DENND6B: variants seen among roughly 807,000 people sequenced by gnomAD.
The protein encoded by DENND6B is DENN domain containing 6B.
In DENND6B, 73 loss-of-function variants were observed where a neutral mutation model predicts 85.1. The observed-to-expected ratio is 0.86, with a 90% CI of 0.71 to 1.04. DENND6B has a LOEUF of 1.04. Among genes scored for constraint, DENND6B ranks in the 50% least tolerant of loss-of-function variants. DENND6B has a pLI of 0.00. For synonymous variants in DENND6B, 357 were observed against 329.3 expected (o/e 1.08, Z -0.91); for missense variants, 715 against 785.8 (o/e 0.91, Z 1.08).
In DENND6B at chr22:50,311,509, G is replaced by A. The variant is rs1192702912; in HGVS notation, c.*630C>T. On this transcript the variant is annotated 3_prime_UTR_variant, in exon 20 of 20. Coordinates refer to ENST00000413817, the MANE Select transcript of DENND6B (RefSeq NM_001001794.4). ...TGTGGCTCTCCGAGAGCCAGGCTGAGCCAGCTCTCCTAGCAGAGGTGCTGG... is the reference window on the plus strand; with the variant it reads ...TGTGGCTCTCCGAGAGCCAGGCTGAACCAGCTCTCCTAGCAGAGGTGCTGG... 1 of 152,438 alleles carries A rather than the reference G, an allele frequency of 6.6e-6. No individual in the cohort carries two copies. The highest frequency in any genetic ancestry group is 1.9e-4 in the East Asian group (1 of 5,192). The allele number at this position is 152,438 out of a possible 1,614,324, so 9.4% of individuals were successfully genotyped here.
intron 6 of DENND6B, 44 bp downstream of exon 6, chr22:50,316,326 C>T (rs2041814299): frequency 6.4e-7 from 1 of 1,562,358 alleles, no homozygotes; most frequent in Admixed American, 1.9e-5. Flanking sequence ...GGGGCCACAG[C>T]TGGGATGATG....
At chr22:50,324,390 G>A (rs1223680358) in intron 1 of DENND6B, among the ~76,000 whole-genome samples, 1 of 152,222 alleles carries the variant, frequency 6.6e-6, no homozygotes, top group East Asian at 1.9e-4. Context: ...CACCAGTATT[G>A]TGGGGCTGGG....
chr22:50,315,234 C>T (rs1285691789), intron 9 of DENND6B, among the ~76,000 whole-genome samples: 1 of 152,170 alleles, frequency 6.6e-6, no homozygotes, highest in Admixed American at 6.5e-5. Flanking sequence ...GGGGTACCCG[C>T]CCAGACCCCT....
At chr22:50,326,068 CTGG>C (rs558219804) in intron 1 of DENND6B, among the ~76,000 whole-genome samples, 4 of 152,258 alleles carry the variant, frequency 2.6e-5, no homozygotes, top group Non-Finnish European at 5.9e-5. Flanking sequence ...GGTCAGCTCC[CTGG>C]TGTGTGTTAC....
In DENND6B at chr22:50,314,882, C is replaced by T. The variant is rs1164174195; in HGVS notation, c.798G>A (p.Trp266Ter). Residue 266 changes from tryptophan (W) to a stop codon, truncating the protein, a stop_gained, in exon 10 of 20, where the codon TGG (tryptophan) becomes TGA (stop). Coordinates refer to ENST00000413817, the MANE Select transcript of DENND6B (RefSeq NM_001001794.4). LOFTEE classifies it high-confidence loss of function. ...RPVLTHMQTL[W>*]ELMLLGEPLL... ...GGGGCTCCCCGAGGAGCATGAGCTCCCACAGTGTCTGCATATGAGTCAGCA... is the reference window on the plus strand; with the variant it reads ...GGGGCTCCCCGAGGAGCATGAGCTCTCACAGTGTCTGCATATGAGTCAGCA... 1.2e-6 allele frequency: 2 copies of T among 1,612,132 alleles called. No homozygotes were observed. Among genetic ancestry groups the T allele is most frequent in the East Asian group, 4.5e-5 (2 of 44,880 alleles).
chr22:50,314,225 T>C lies in DENND6B; in HGVS notation c.1120A>G (p.Thr374Ala). The C allele has an allele frequency of 6.2e-7, 1 of 1,607,696 alleles. No homozygotes were observed. Among genetic ancestry groups the C allele is most frequent in the Non-Finnish European group, 8.5e-7 (1 of 1,179,362 alleles). ...CACAGACCTGGCTTGGTGTCCAGGG[T>C]CTTCAACCTTGAAGGCTTTTTCAGC... is the stretch of plus-strand genomic sequence containing the variant. ...VKLKKPSRLK[T>A]LDTKPGLYTA... is the part of the protein sequence containing the mutation. The change falls in exon 13 of 20, where the codon ACC (threonine) becomes GCC (alanine). Residue 374 changes from threonine (T) to alanine (A), a missense_variant. Physicochemically the swap from Thr to Ala is moderately conservative, Grantham distance 58. Coordinates refer to ENST00000413817, the MANE Select transcript of DENND6B (RefSeq NM_001001794.4).
rs2041792728 is a variant in DENND6B at position 50,315,812 on chromosome 22, C to A, written c.703-43G>T. 4.0e-6 allele frequency: 6 copies of A among 1,488,702 alleles called. No homozygotes were observed. In the East Asian group the frequency reaches 1.4e-4, roughly 36 times the overall value. The allele number at this position is 1,488,702 out of a possible 1,614,324, so 92.2% of individuals were successfully genotyped here. ...AAGGTCAGGGCCAAGGGGAGGCTGG[C>A]ACCCCTTGGGCCCCAAGCAGCCCCT... On this transcript the variant is annotated intron_variant, in intron 8 of 19. Transcript: ENST00000413817.
chr22:50,312,053 G>A lies in DENND6B; in HGVS notation c.*86C>T, dbSNP rs780430675. On this transcript the variant is annotated 3_prime_UTR_variant, in exon 20 of 20. Transcript: ENST00000413817. ...GGGCGGGGGGCCAAGGAAGGGGAGC[G>A]TGTGCTTGGCCCAGTGCCGCCACCA... 16 of 1,522,442 alleles carry A rather than the reference G, an allele frequency of 1.1e-5. No homozygotes were observed. Among genetic ancestry groups the A allele is most frequent in the Non-Finnish European group, 1.2e-5 (14 of 1,134,574 alleles). 94.3% of individuals were successfully genotyped at this position (1,522,442 alleles called of 1,614,324 possible). A position where few individuals can be genotyped will look rare whatever the true frequency, so the allele number is the denominator to read the frequency against.
chr22:50,319,582 C>A (rs1390351703), intron 1 of DENND6B: 1 of 931,686 alleles, frequency 1.1e-6, no homozygotes, highest in African/African-American at 1.8e-5. Context: ...CCTCCATCTC[C>A]CTCACCACCC....
In DENND6B at chr22:50,318,863, A is replaced by G. The variant is rs1240023926; in HGVS notation, c.243T>C (p.Phe81=). ...KEKSSICYLS[F]PDSHSGCLGD... Reference sequence around the variant, plus strand: ...GTTGCCTACCTGAGTGCGAGTCGGGAAAAGACAGGTAGCAGATGCTGCTTT... The same window carrying G: ...GTTGCCTACCTGAGTGCGAGTCGGGGAAAGACAGGTAGCAGATGCTGCTTT... The change falls in exon 3 of 20, where the codon TTT becomes TTC. Residue 81 remains phenylalanine, a synonymous_variant. Coordinates refer to ENST00000413817, the MANE Select transcript of DENND6B (RefSeq NM_001001794.4). 6.2e-7 allele frequency: 1 copy of G among 1,613,358 alleles called. No individual in the cohort carries two copies. The highest frequency in any genetic ancestry group is 8.5e-7 in the Non-Finnish European group (1 of 1,179,726).
Position 50,316,395 on chromosome 22 carries a change from G to T in DENND6B, c.534C>A (p.Asp178Glu). ...CTGCTTCCAGGCAGGGCGCCAGCTT[G>T]TCAAAGTACTCGGGGGCGATGAGGC... ...LLSLIAPEYF[D>E]KLAPCLEAVC... Residue 178 changes from aspartate to glutamate, a missense_variant, in exon 6 of 20, where the codon GAC becomes GAA. By Grantham distance (45) the Asp-to-Glu change is conservative. Coordinates refer to ENST00000413817, the MANE Select transcript of DENND6B (RefSeq NM_001001794.4). 6.3e-7 allele frequency: 1 copy of T among 1,583,142 alleles called. No individual in the cohort carries two copies. Among genetic ancestry groups the T allele is most frequent in the Non-Finnish European group, 8.6e-7 (1 of 1,166,286 alleles).
At position 50,313,006 on chromosome 22, in the gene DENND6B, G is replaced by C. The variant is rs1279268811; in HGVS notation, c.1450C>G (p.Leu484Val). Residue 484 changes from leucine (L) to valine (V), a missense_variant, in exon 17 of 20, where the codon CTC (leucine) becomes GTC (valine). Leu to Val is a conservative substitution (Grantham distance 32). Transcript: ENST00000413817. ...CACCTGCAGTCCACGCACCTGTAGA[G>C]ACCCAGCCAGTCGCCCTTGAGGATG... ...TCILKGDWLG[L>V]YRRFFKSPHF... 6 of 1,556,934 alleles carry C rather than the reference G, an allele frequency of 3.9e-6. No individual in the cohort carries two copies. Among genetic ancestry groups the C allele is most frequent in the Non-Finnish European group, 5.2e-6 (6 of 1,151,046 alleles).
chr22:50,313,211 C>G, intron 16 of DENND6B, 103 bp from the exon 17 acceptor site: 1 of 1,252,518 alleles, frequency 8.0e-7, no homozygotes, highest in Non-Finnish European at 1.1e-6. Context: ...AGACCCCCAG[C>G]CCCCACCCTG....
chr22:50,316,290 A>G, intron 6 of DENND6B, 37 bp from the exon 7 acceptor site: 2 of 1,572,266 alleles, frequency 1.3e-6, no homozygotes, highest in Non-Finnish European at 8.6e-7. Context: ...ACCCTCCCCA[A>G]GGAGAAGCTG....
rs1290227363 is a variant in DENND6B at position 50,316,160 on chromosome 22, C to A, written c.639+14G>T. ...ACACCTGCAGAGCCTACTCCCCAGCCAGCTGGCTCTCACCTGGACAACAAC... is the reference window on the plus strand; with the variant it reads ...ACACCTGCAGAGCCTACTCCCCAGCAAGCTGGCTCTCACCTGGACAACAAC... On this transcript the variant is annotated intron_variant, in intron 7 of 19. Coordinates refer to ENST00000413817, the MANE Select transcript of DENND6B (RefSeq NM_001001794.4). 6.2e-7 allele frequency: 1 copy of A among 1,612,556 alleles called. No homozygotes were observed. Among genetic ancestry groups the A allele is most frequent in the East Asian group, 2.2e-5 (1 of 44,886 alleles).
rs2042206622 is a variant in DENND6B at position 50,326,941 on chromosome 22, C to T, written c.48G>A (p.Leu16=). 1.5e-6 allele frequency: 2 copies of T among 1,290,716 alleles called. No homozygotes were observed. The highest frequency in any genetic ancestry group is 2.0e-6 in the Non-Finnish European group (2 of 1,024,750). 80.0% of individuals were successfully genotyped at this position (1,290,716 alleles called of 1,614,324 possible). ...CTGAAGACGTGGGTCCAGCCGCGCC[C>T]AGGCAGCCGCGAGCCCGGCGAGGCC... ...GTGPRRARGC[L]GAAGPTSSGR... The change falls in exon 1 of 20, where the codon CTG becomes CTA. Residue 16 remains leucine, a synonymous_variant. Coordinates refer to ENST00000413817, the MANE Select transcript of DENND6B (RefSeq NM_001001794.4).
Position 50,317,896 on chromosome 22 carries a change from C to T in DENND6B, c.372+12G>A, listed in dbSNP as rs2041906909. ...GGGGAGAAGCAGGCCAGAGACGCAG[C>T]CCAGTGCTCACCTGCAGTGCCACAG... On this transcript the variant is annotated intron_variant, in intron 4 of 19. Transcript: ENST00000413817. 1.2e-6 allele frequency: 2 copies of T among 1,602,808 alleles called. No homozygotes were observed. The highest frequency in any genetic ancestry group is 1.7e-6 in the Non-Finnish European group (2 of 1,178,120).
At chr22:50,314,016 A>C in intron 13 of DENND6B, 138 bp from the exon 14 acceptor site, 1 of 1,302,738 alleles carries the variant, frequency 7.7e-7, no homozygotes, top group Non-Finnish European at 1.0e-6. Flanking sequence ...AATCTCACCC[A>C]CCCACCCCCC....
chr22:50,314,447 A>G lies in DENND6B; in HGVS notation c.1025T>C (p.Leu342Pro). Residue 342 changes from leucine (L) to proline (P), a missense_variant, in exon 12 of 20, where the codon CTC becomes CCC. By Grantham distance (98) the Leu-to-Pro change is moderately conservative. Transcript: ENST00000413817. ...TCGGAGGATGTGGGGCCAGTGCTGG[A>G]GTGTTTTGATAAAGAAAGGGTTTGT... is the stretch of plus-strand genomic sequence containing the variant. ...GVTNPFFIKTLQHWPHILRVG... is the reference protein window; with the variant it reads ...GVTNPFFIKTPQHWPHILRVG... The G allele has an allele frequency of 6.4e-7, 1 of 1,565,264 alleles. No homozygotes were observed. Among genetic ancestry groups the G allele is most frequent in the Non-Finnish European group, 8.7e-7 (1 of 1,154,108 alleles).
Sources: gnomAD v4.1 joint callset for allele counts (sites outside exome capture counted in the v4.1 genomes callset) on GRCh38, gnomAD v4.1.1 for gene constraint, MANE v1.5 for transcripts, NCBI Gene and HGNC (gene_info 2026-07-23, HGNC 2026-07-21) for gene names.